The following PPP2R3B variants were observed in gnomAD, a reference collection of about 807,000 sequenced individuals.
PPP2R3B encodes the protein serine/threonine-protein phosphatase 2A regulatory subunit B'' subunit beta.
A neutral mutation model predicts 72.9 loss-of-function variants in PPP2R3B; 68 were observed. The ratio of observed to expected loss-of-function variants is 0.93; its 90% CI spans 0.77 to 1.14. PPP2R3B has a LOEUF of 1.14. Among genes scored for constraint, PPP2R3B ranks in the 50% most tolerant of loss-of-function variants. The probability of loss-of-function intolerance (pLI) is 0.00; values close to 1 mark genes in which losing one functional copy is unlikely to be tolerated. For missense variants in PPP2R3B, 1,018 were observed against 842.0 expected (o/e 1.21, Z -2.59); for synonymous variants, 466 against 375.8 (o/e 1.24, Z -2.78).
chrX:347,627 A>G lies in PPP2R3B; in HGVS notation c.577T>C (p.Ser193Pro). The change falls in exon 3 of 13, where the codon TCC becomes CCC. Residue 193 changes from serine (S) to proline (P), a missense_variant. Ser to Pro is a moderately conservative substitution (Grantham distance 74). Coordinates refer to ENST00000390665, the MANE Select transcript of PPP2R3B (RefSeq NM_013239.5). ...GCGACGAACTTGTGGACGGACACGGAGCCCGTGCGCTCCCCGCCGGCGCCA... is the reference window on the plus strand; with the variant it reads ...GCGACGAACTTGTGGACGGACACGGGGCCCGTGCGCTCCCCGCCGGCGCCA... Reference protein sequence around the residue: ...FYGAGGERTGSVSVHKFVAMW... With the variant: ...FYGAGGERTGPVSVHKFVAMW... 2.5e-6 allele frequency: 4 copies of G among 1,577,732 alleles called. No homozygotes were observed. Among genetic ancestry groups the G allele is most frequent in the Non-Finnish European group, 3.4e-6 (4 of 1,161,282 alleles).
At chrX:338,463 C>A in intron 12 of PPP2R3B, 141 bp downstream of exon 12, 2 of 829,816 alleles carry the variant, frequency 2.4e-6, no homozygotes, top group Non-Finnish European at 3.9e-6. Flanking sequence ...TCTCACCCCG[C>A]CCCTCTGTGT....
At chrX:373,501 G>A (rs755695657) in intron 1 of PPP2R3B, 19 of 158,848 alleles carry the variant, frequency 1.2e-4, no homozygotes, top group Admixed American at 4.4e-4. Flanking sequence ...CTCGCCCGGT[G>A]TCGGGCAGCC....
chrX:367,952 A>G (rs1165389222), intron 1 of PPP2R3B, among the ~76,000 whole-genome samples: 1 of 152,250 alleles, frequency 6.6e-6, no homozygotes, highest in African/African-American at 2.4e-5. Flanking sequence ...CTGGAGACAG[A>G]CAGGCCACCA....
chrX:347,494 C>T, intron 3 of PPP2R3B, 96 bp downstream of exon 3: 1 of 1,408,370 alleles, frequency 7.1e-7, no homozygotes, highest in South Asian at 1.2e-5. Context: ...TCTCCTCTCA[C>T]TGCGGCAGCC....
At chrX:369,892 G>A (rs1357505870) in intron 1 of PPP2R3B, among the ~76,000 whole-genome samples, 3 of 152,212 alleles carry the variant, frequency 2.0e-5, no homozygotes, top group Non-Finnish European at 4.4e-5. Flanking sequence ...GCGGAAGCAC[G>A]GGAGGCTGTG....
chrX:350,130 C>G (rs1490579845), intron 2 of PPP2R3B, among the ~76,000 whole-genome samples: 2 of 152,204 alleles, frequency 1.3e-5, no homozygotes, highest in Non-Finnish European at 2.9e-5. Context: ...GTAATGAAGA[C>G]TCAGTCAGTC....
chrX:347,777 C>T (rs1239632269), intron 2 of PPP2R3B, 84 bp from the exon 3 acceptor site: 24 of 984,654 alleles, frequency 2.4e-5, no homozygotes, highest in East Asian at 2.1e-4. Flanking sequence ...TGACCGACGC[C>T]GCCCAGAGAC....
intron 4 of PPP2R3B, 65 bp downstream of exon 4, chrX:347,169 C>G: frequency 8.5e-5 from 7 of 82,420 alleles, no homozygotes; most frequent in Non-Finnish European, 1.4e-4. Context: ...TCCCATGAGG[C>G]ATGCGGTGTA....
intron 1 of PPP2R3B, among the ~76,000 whole-genome samples, chrX:384,286 A>C (rs192084447): frequency 0.034 from 4,874 of 145,382 alleles, 121 homozygotes; most frequent in South Asian, 0.062. Flanking sequence ...CTCTCTCTAT[A>C]TATATATATA....
chrX:385,320 CTTTTTTTTTTTTT>C lies in PPP2R3B; in HGVS notation c.324+1035_324+1047del, dbSNP rs1178231888. 2.1e-3 allele frequency among the ~76,000 whole-genome samples: 160 copies of C among 75,666 alleles called. 1 individual carries two copies. The highest frequency in any genetic ancestry group is 7.5e-3 in the African/African-American group (147 of 19,496). 49.6% of individuals were successfully genotyped at this position (75,666 alleles called of 152,430 possible). On this transcript the variant is annotated intron_variant, in intron 1 of 12. Transcript: ENST00000390665. ...CCTCCAAGTGCTTGTTTTTAGTTTT[CTTTTTTTTTTTTT>C]TTTTTTTTTTTTTGAGATGGAGTCT... is the stretch of plus-strand genomic sequence containing the variant.
At position 364,572 on chromosome X, in the gene PPP2R3B, G is replaced by A. The variant is rs776447241; in HGVS notation, c.325-2982C>T. 1.7e-4 allele frequency among the ~76,000 whole-genome samples: 26 copies of A among 148,720 alleles called. 1 individual carries two copies. The highest frequency in any genetic ancestry group is 4.2e-4 in the South Asian group (2 of 4,712). Reference sequence around the variant, plus strand: ...AACAAAAAGAGTATAAAAAAAATTAGCCGGGTGTGGTGGAGGGTGCCTGTA... The same window carrying A: ...AACAAAAAGAGTATAAAAAAAATTAACCGGGTGTGGTGGAGGGTGCCTGTA... On this transcript the variant is annotated intron_variant, in intron 1 of 12. Coordinates refer to ENST00000390665, the MANE Select transcript of PPP2R3B (RefSeq NM_013239.5).
chrX:376,198 GAAA>G (rs59781955), intron 1 of PPP2R3B, among the ~76,000 whole-genome samples: 1 of 115,774 alleles, frequency 8.6e-6, no homozygotes, highest in South Asian at 2.9e-4. Flanking sequence ...TCTCAAAAAG[GAAA>G]AAAAAAAAAA....
chrX:374,109 C>T (rs1255620090), intron 1 of PPP2R3B: 1 of 150,792 alleles, frequency 6.6e-6, no homozygotes, highest in Non-Finnish European at 1.5e-5. Context: ...GAACGCGCAT[C>T]AACAGGTCCC....
chrX:359,470 T>C (rs2071499872), intron 2 of PPP2R3B, among the ~76,000 whole-genome samples: 2 of 152,356 alleles, frequency 1.3e-5, no homozygotes, highest in African/African-American at 4.8e-5. Context: ...TGTTTTAAGT[T>C]ACAGCATACT....
At chrX:364,516 A>T (rs958171854) in intron 1 of PPP2R3B, among the ~76,000 whole-genome samples, 2 of 109,924 alleles carry the variant, frequency 1.8e-5, no homozygotes, top group Non-Finnish European at 3.8e-5. Flanking sequence ...TAAAAAAAAA[A>T]AAAACAAAAA....
chrX:382,344 C>G (rs1165462094), intron 1 of PPP2R3B, among the ~76,000 whole-genome samples: 2 of 151,890 alleles, frequency 1.3e-5, no homozygotes, highest in African/African-American at 2.4e-5. Context: ...ATTACAGGTG[C>G]CCACCACCAC....
chrX:361,417 G>A lies in PPP2R3B; in HGVS notation c.498C>T (p.Gly166=), dbSNP rs1333969682. The change falls in exon 2 of 13, where the codon GGC becomes GGT. Residue 166 remains glycine, a synonymous_variant. Transcript: ENST00000390665. ...PHERATMDDM[G]LVAKACGCPL... ...GCGTGACACGTACCTTGGCCACCAGGCCCATGTCATCCATGGTGGCCCTCT... is the reference window on the plus strand; with the variant it reads ...GCGTGACACGTACCTTGGCCACCAGACCCATGTCATCCATGGTGGCCCTCT... 6.2e-7 allele frequency: 1 copy of A among 1,613,884 alleles called. No individual in the cohort carries two copies. Among genetic ancestry groups the A allele is most frequent in the Non-Finnish European group, 8.5e-7 (1 of 1,179,868 alleles).
At position 386,373 on chromosome X, in the gene PPP2R3B, T is replaced by C. The variant is rs775952077; in HGVS notation, c.319A>G (p.Arg107Gly). The part of the protein sequence containing the change: ...VRGTRRSAGT[R>G]VVQTRKEEPL... ...CAGAAGGAAGAGTAACTTACTACTC[T>C]CGTCCCTGCGGATCTACGGGTGCCT... Residue 107 changes from arginine to glycine, a missense_variant, in exon 1 of 13, where the codon AGA (arginine) becomes GGA (glycine). By Grantham distance (125) the Arg-to-Gly change is moderately radical. Transcript: ENST00000390665. 6 of 1,316,850 alleles carry C rather than the reference T, an allele frequency of 4.6e-6. No homozygotes were observed. In the East Asian group the frequency reaches 1.4e-4, roughly 31 times the overall value. The allele number at this position is 1,316,850 out of a possible 1,614,324, so 81.6% of individuals were successfully genotyped here.
At chrX:338,228 C>T (rs764199031) in intron 12 of PPP2R3B, 126 of 397,956 alleles carry the variant, frequency 3.2e-4, no homozygotes, top group African/African-American at 7.7e-4. Flanking sequence ...AAGGCCGAAG[C>T]GGAGGCTGGA....
Sources: gnomAD v4.1 joint callset for allele counts (sites outside exome capture counted in the v4.1 genomes callset) on GRCh38, gnomAD v4.1.1 for gene constraint, MANE v1.5 for transcripts, NCBI Gene and HGNC (gene_info 2026-07-23, HGNC 2026-07-21) for gene names.